Variants in ZNF385D observed in about 807,000 individuals in gnomAD.
ZNF385D encodes the protein zinc finger protein 659.
ZNF385D carries 15 observed loss-of-function variants against 35.8 expected under a neutral mutation model. The ratio of observed to expected loss-of-function variants is 0.42; its 90% CI spans 0.28 to 0.64. The LOEUF (loss-of-function observed/expected upper bound fraction) is 0.64, where lower values mean the gene tolerates loss of function less well. Among genes scored for constraint, ZNF385D ranks in the 30% least tolerant of loss-of-function variants. The pLI is 0.23. For missense variants in ZNF385D, 474 were observed against 494.6 expected (o/e 0.96, Z 0.39); for synonymous variants, 212 against 186.8 (o/e 1.13, Z -1.10).
At chr3:22,131,660 G>A (rs1576372809) in intron 3 of ZNF385D, among the ~76,000 whole-genome samples, 1 of 152,160 alleles carries the variant, frequency 6.6e-6, no homozygotes, top group African/African-American at 2.4e-5. Flanking sequence ...TGTTTATCCA[G>A]AGGTAAAGGA....
chr3:21,556,928 G>T (rs2062761467), intron 3 of ZNF385D, among the ~76,000 whole-genome samples: 1 of 152,082 alleles, frequency 6.6e-6, no homozygotes, highest in African/African-American at 2.4e-5. Context: ...TATTCTCTTT[G>T]TAGCAATTGT....
intron 3 of ZNF385D, among the ~76,000 whole-genome samples, chr3:21,963,813 C>T (rs12487974): frequency 0.25 from 37,459 of 151,922 alleles, 5,120 homozygotes; most frequent in East Asian, 0.32. Flanking sequence ...AAATTAAAAG[C>T]AACAACTTGT....
At chr3:21,800,486 C>T (rs2072346072) in intron 3 of ZNF385D, among the ~76,000 whole-genome samples, 1 of 151,808 alleles carries the variant, frequency 6.6e-6, no homozygotes, top group Admixed American at 6.6e-5. Flanking sequence ...ATTTTTTTTC[C>T]TAAAAGCTGG....
intron 3 of ZNF385D, among the ~76,000 whole-genome samples, chr3:21,988,094 C>G (rs1292691366): frequency 7.6e-6 from 1 of 131,606 alleles, no homozygotes; most frequent in Non-Finnish European, 1.6e-5. Flanking sequence ...AAGTTTTCAA[C>G]TTCTTTGCCT....
At chr3:21,800,171 T>C (rs1005592359) in intron 3 of ZNF385D, among the ~76,000 whole-genome samples, 1 of 152,222 alleles carries the variant, frequency 6.6e-6, no homozygotes, top group African/African-American at 2.4e-5. Context: ...GAAACTAGAA[T>C]GTATGAAATA....
At chr3:21,875,771 T>C (rs1204730594) in intron 3 of ZNF385D, among the ~76,000 whole-genome samples, 1 of 152,120 alleles carries the variant, frequency 6.6e-6, no homozygotes, top group Non-Finnish European at 1.5e-5. Flanking sequence ...ACTGTTGTCA[T>C]CTTCATTGTG....
intron 3 of ZNF385D, among the ~76,000 whole-genome samples, chr3:21,834,507 A>C (rs1235935291): frequency 6.6e-6 from 1 of 152,186 alleles, no homozygotes; most frequent in African/African-American, 2.4e-5. Context: ...TAAAGGTGGC[A>C]GTTAGGACTG....
intron 3 of ZNF385D, among the ~76,000 whole-genome samples, chr3:22,030,844 A>G (rs1162018496): frequency 6.6e-6 from 1 of 152,060 alleles, no homozygotes. Context: ...TCTACCTATG[A>G]ACCTGTAAAA....
chr3:22,091,245 G>C (rs559523382), intron 3 of ZNF385D, among the ~76,000 whole-genome samples: 1 of 152,116 alleles, frequency 6.6e-6, no homozygotes, highest in African/African-American at 2.4e-5. Context: ...GGAGATACCA[G>C]AGCCTACTGG....
intron 3 of ZNF385D, among the ~76,000 whole-genome samples, chr3:22,074,887 A>AT (rs1700391509): frequency 6.6e-6 from 1 of 151,820 alleles, no homozygotes; most frequent in Non-Finnish European, 1.5e-5. Context: ...CATTCTATTA[A>AT]TTCAGTGGTT....
chr3:22,015,520 C>G (rs544937685), intron 3 of ZNF385D, among the ~76,000 whole-genome samples: 280 of 152,212 alleles, frequency 1.8e-3, no homozygotes, highest in African/African-American at 6.4e-3. Context: ...AGTTTAGCAC[C>G]TGGTGACTCT....
intron 3 of ZNF385D, among the ~76,000 whole-genome samples, chr3:21,933,923 A>G (rs1408099453): frequency 6.8e-6 from 1 of 146,026 alleles, no homozygotes; most frequent in East Asian, 2.2e-4. Flanking sequence ...CAGATAATGC[A>G]TAAAAGGTAC....
chr3:21,496,011 C>A (rs1214290273), intron 4 of ZNF385D, among the ~76,000 whole-genome samples: 1 of 151,792 alleles, frequency 6.6e-6, no homozygotes, highest in Non-Finnish European at 1.5e-5. Context: ...GAAATTGAAT[C>A]CCTGAAAAAA....
At chr3:21,471,062 T>A (rs1320043375) in intron 4 of ZNF385D, among the ~76,000 whole-genome samples, 1 of 152,168 alleles carries the variant, frequency 6.6e-6, no homozygotes, top group East Asian at 1.9e-4. Flanking sequence ...ATGATGGGTC[T>A]CATGTTCTAA....
chr3:21,904,852 G>C (rs1222398620), intron 3 of ZNF385D, among the ~76,000 whole-genome samples: 2 of 152,102 alleles, frequency 1.3e-5, no homozygotes, highest in Non-Finnish European at 2.9e-5. Flanking sequence ...TTTGCATTAT[G>C]TTGTTGAGAC....
intron 3 of ZNF385D, among the ~76,000 whole-genome samples, chr3:22,138,929 G>A (rs1704323160): frequency 6.6e-6 from 1 of 152,032 alleles, no homozygotes; most frequent in African/African-American, 2.4e-5. Flanking sequence ...CTGACAAAGG[G>A]CTAATATCCA....
At chr3:22,064,474 G>A (rs1279998365) in intron 3 of ZNF385D, among the ~76,000 whole-genome samples, 1 of 151,892 alleles carries the variant, frequency 6.6e-6, no homozygotes, top group African/African-American at 2.4e-5. Flanking sequence ...AGGCCAAAGT[G>A]ATATCTGTAT....
intron 3 of ZNF385D, among the ~76,000 whole-genome samples, chr3:22,092,863 T>C (rs1445774553): frequency 6.6e-6 from 1 of 152,208 alleles, no homozygotes; most frequent in Non-Finnish European, 1.5e-5. Flanking sequence ...TGATTGTTAG[T>C]CTTCCAGGAA....
At chr3:22,130,173 G>A (rs1166880157) in intron 3 of ZNF385D, among the ~76,000 whole-genome samples, 1 of 152,032 alleles carries the variant, frequency 6.6e-6, no homozygotes. Context: ...TTTTTACTGT[G>A]GCTAAGCTGG....
Sources: allele counts gnomAD v4.1 joint callset (sites outside exome capture counted in the v4.1 genomes callset), GRCh38; gene constraint gnomAD v4.1.1; transcripts MANE v1.5; gene names NCBI Gene and HGNC (gene_info 2026-07-23, HGNC 2026-07-21).